Variants in CACNB2 observed in about 807,000 individuals in gnomAD.
CACNB2 encodes the protein voltage-dependent L-type calcium channel subunit beta-2.
In CACNB2, 42 loss-of-function variants were observed where a neutral mutation model predicts 73.3. That is an observed-to-expected ratio of 0.57 (90% confidence interval 0.45 to 0.74). CACNB2 has a LOEUF of 0.74. Ranked by LOEUF, CACNB2 falls within the 30% of genes least tolerant of loss-of-function variation. The probability of loss-of-function intolerance (pLI) is 0.00; values close to 1 mark genes in which losing one functional copy is unlikely to be tolerated. For missense variants in CACNB2, 940 were observed against 853.0 expected (o/e 1.10, Z -1.27); for synonymous variants, 348 against 310.3 (o/e 1.12, Z -1.28).
intron 2 of CACNB2, among the ~76,000 whole-genome samples, chr10:18,306,245 A>T (rs147226381): frequency 8.5e-5 from 13 of 152,278 alleles, no homozygotes; most frequent in African/African-American, 2.9e-4. Flanking sequence ...TTCTAGAAGG[A>T]GGAAGTATGG....
At chr10:18,188,712 T>A (rs1032683357) in intron 2 of CACNB2, among the ~76,000 whole-genome samples, 1 of 152,218 alleles carries the variant, frequency 6.6e-6, no homozygotes, top group African/African-American at 2.4e-5. Flanking sequence ...TTCAATCTTA[T>A]AATGAAATCA....
At chr10:18,341,373 T>A (rs1332187815) in intron 2 of CACNB2, among the ~76,000 whole-genome samples, 5 of 152,180 alleles carry the variant, frequency 3.3e-5, no homozygotes, top group Non-Finnish European at 1.5e-5. Flanking sequence ...TGGTCTGACT[T>A]GCTGTGTTGC....
chr10:18,450,221 C>G (rs2046949397), intron 3 of CACNB2, among the ~76,000 whole-genome samples: 1 of 152,162 alleles, frequency 6.6e-6, no homozygotes, highest in Non-Finnish European at 1.5e-5. Flanking sequence ...CTTTTAAAAA[C>G]TGAAAGTGCA....
intron 2 of CACNB2, among the ~76,000 whole-genome samples, chr10:18,396,021 T>G (rs2043697405): frequency 6.6e-6 from 1 of 152,200 alleles, no homozygotes; most frequent in Non-Finnish European, 1.5e-5. Flanking sequence ...CAGTGTTGTA[T>G]TCTCTGCTCA....
chr10:18,307,475 T>A (rs950662078), intron 2 of CACNB2, among the ~76,000 whole-genome samples: 1 of 152,154 alleles, frequency 6.6e-6, no homozygotes, highest in African/African-American at 2.4e-5. Flanking sequence ...TAAATAAATA[T>A]AAATGCGATG....
chr10:18,209,545 T>A (rs1045625934), intron 2 of CACNB2, among the ~76,000 whole-genome samples: 1 of 152,168 alleles, frequency 6.6e-6, no homozygotes, highest in African/African-American at 2.4e-5. Flanking sequence ...AATGAAGGGG[T>A]CTGTTTGAAA....
At chr10:18,471,850 G>A (rs1440177491) in intron 3 of CACNB2, among the ~76,000 whole-genome samples, 1 of 152,184 alleles carries the variant, frequency 6.6e-6, no homozygotes, top group Non-Finnish European at 1.5e-5. Flanking sequence ...GATGAAATCT[G>A]TAAAGATGTT....
intron 3 of CACNB2, among the ~76,000 whole-genome samples, chr10:18,426,766 G>A (rs1241420788): frequency 6.6e-6 from 1 of 152,018 alleles, no homozygotes; most frequent in Non-Finnish European, 1.5e-5. Context: ...TACCGTACTG[G>A]CTAGACTCCT....
At chr10:18,411,673 A>G (rs1382296056) in intron 3 of CACNB2, among the ~76,000 whole-genome samples, 1 of 151,922 alleles carries the variant, frequency 6.6e-6, no homozygotes, top group Non-Finnish European at 1.5e-5. Context: ...CATGTGGGCT[A>G]ATTTTTGTAT....
chr10:18,499,986 A>G (rs2050105778), intron 4 of CACNB2, among the ~76,000 whole-genome samples: 1 of 152,016 alleles, frequency 6.6e-6, no homozygotes, highest in African/African-American at 2.4e-5. Context: ...AAAATAGAAG[A>G]GCCTAGAGAA....
chr10:18,537,649 C>T (rs1274242632), intron 12 of CACNB2, among the ~76,000 whole-genome samples: 1 of 151,914 alleles, frequency 6.6e-6, no homozygotes, highest in Non-Finnish European at 1.5e-5. Context: ...TGGTGGTAGG[C>T]ACCTGTAACC....
intron 2 of CACNB2, among the ~76,000 whole-genome samples, chr10:18,219,199 G>A (rs772430965): frequency 6.6e-5 from 10 of 152,030 alleles, no homozygotes; most frequent in Non-Finnish European, 1.0e-4. Flanking sequence ...TCCAGAATTC[G>A]GAATGGTATT....
chr10:18,443,000 GTATATATATATATGTATA>G lies in CACNB2; in HGVS notation c.333+40971_333+40988del, dbSNP rs2046537278. 1.8e-3 allele frequency among the ~76,000 whole-genome samples: 7 copies of G among 3,790 alleles called. 2 individuals are homozygous for G. Among genetic ancestry groups the G allele is most frequent in the Admixed American group, 9.3e-3 (4 of 430 alleles). The allele number at this position is 3,790 out of a possible 152,430, so 2.5% of individuals were successfully genotyped here. On this transcript the variant is annotated intron_variant, in intron 3 of 13. Coordinates refer to ENST00000324631, the MANE Select transcript of CACNB2 (RefSeq NM_201596.3). ...TATATATATATGTATATATATATGT[GTATATATATATATGTATA>G]TATATATATATATATATAAATAAGG... is the stretch of plus-strand genomic sequence containing the variant.
intron 7 of CACNB2, among the ~76,000 whole-genome samples, 168 bp from the exon 8 acceptor site, chr10:18,518,168 C>T (rs1267075472): frequency 2.0e-5 from 3 of 152,110 alleles, no homozygotes; most frequent in Non-Finnish European, 4.4e-5. Context: ...GGAAAATGAA[C>T]CCACCAATCT....
At chr10:18,162,488 T>C (rs531737949) in intron 2 of CACNB2, among the ~76,000 whole-genome samples, 1 of 152,350 alleles carries the variant, frequency 6.6e-6, no homozygotes, top group South Asian at 2.1e-4. Context: ...TTTACTCTTT[T>C]CAAGGTCTGA....
intron 2 of CACNB2, chr10:18,260,391 G>T: frequency 4.1e-6 from 4 of 974,550 alleles, no homozygotes; most frequent in Non-Finnish European, 3.7e-6. Flanking sequence ...GATCAAATTC[G>T]CCTTCCAGAG....
intron 10 of CACNB2, 150 bp downstream of exon 10, chr10:18,527,847 T>C: frequency 2.9e-6 from 2 of 682,564 alleles, no homozygotes; most frequent in Non-Finnish European, 5.3e-6. Flanking sequence ...GTCTTACTGA[T>C]TTCATGGTGT....
chr10:18,438,651 G>A (rs1387325047), intron 3 of CACNB2, among the ~76,000 whole-genome samples: 1 of 152,270 alleles, frequency 6.6e-6, no homozygotes, highest in Non-Finnish European at 1.5e-5. Context: ...TTGGCTGGAA[G>A]CCTGTGCCCT....
chr10:18,396,030 C>T (rs2043697760), intron 2 of CACNB2, among the ~76,000 whole-genome samples: 1 of 152,208 alleles, frequency 6.6e-6, no homozygotes, highest in Admixed American at 6.5e-5. Flanking sequence ...ATTCTCTGCT[C>T]ACTGCAGCCT....
Sources: allele counts gnomAD v4.1 joint callset (sites outside exome capture counted in the v4.1 genomes callset), GRCh38; gene constraint gnomAD v4.1.1; transcripts MANE v1.5; gene names NCBI Gene and HGNC (gene_info 2026-07-23, HGNC 2026-07-21).